The following ANKRD28 variants were observed in gnomAD, a reference collection of about 807,000 sequenced individuals.
The protein encoded by ANKRD28 is serine/threonine-protein phosphatase 6 regulatory ankyrin repeat subunit A.
Under a neutral mutation model 126.5 loss-of-function variants are expected in ANKRD28, and 44 were observed. The ratio of observed to expected loss-of-function variants is 0.35; its 90% confidence interval spans 0.27 to 0.45. The LOEUF is 0.45. ANKRD28 is among the 20% of genes least tolerant of loss of function. The pLI is 1.00. For synonymous variants in ANKRD28, 442 were observed against 468.5 expected, an observed-to-expected ratio of 0.94 and a Z score of 0.73; for missense variants, 1,110 against 1,316.6, an observed-to-expected ratio of 0.84 and a Z score of 2.43.
At chr3:15,792,904 T>C (rs1477261797) in intron 2 of ANKRD28, among the ~76,000 whole-genome samples, 1 of 152,122 alleles carries the variant, frequency 6.6e-6, no homozygotes, top group Non-Finnish European at 1.5e-5. Flanking sequence ...GGTGTGTTAC[T>C]AAGAAACGTG....
chr3:15,727,167 T>C (rs997961860), intron 6 of ANKRD28, among the ~76,000 whole-genome samples: 1 of 152,188 alleles, frequency 6.6e-6, no homozygotes, highest in Non-Finnish European at 1.5e-5. Flanking sequence ...ATTTCAACTT[T>C]CAAAGTCTTA....
rs188129707 is a variant in ANKRD28, at chr3:15,683,238, T to C, written c.2389+1988A>G. On this transcript the variant is annotated intron_variant, in intron 21 of 27. Transcript: ENST00000683139. ...GTAAGTCTTTGCTTCTGAACAGTTT[T>C]ATCTCACTGACTTTTTTACAGAAAC... Among the ~76,000 whole-genome samples the C allele has an allele frequency of 3.5e-3, 529 of 152,336 alleles. 2 individuals are homozygous for C. Among genetic ancestry groups the C allele is most frequent in the Non-Finnish European group, 4.8e-3 (327 of 68,016 alleles).
At chr3:15,698,023 G>C (rs762135747) in intron 14 of ANKRD28, among the ~76,000 whole-genome samples, 1 of 151,874 alleles carries the variant, frequency 6.6e-6, no homozygotes. Context: ...TTTGCGTAGA[G>C]GTGTTTATAG....
intron 6 of ANKRD28, among the ~76,000 whole-genome samples, chr3:15,728,543 C>T (rs938346581): frequency 3.3e-5 from 5 of 152,186 alleles, no homozygotes; most frequent in South Asian, 2.1e-4. Context: ...AGTCCTCACA[C>T]GTTGGGCTCC....
At chr3:15,700,188 G>A (rs2070342025) in intron 14 of ANKRD28, among the ~76,000 whole-genome samples, 1 of 152,098 alleles carries the variant, frequency 6.6e-6, no homozygotes, top group Non-Finnish European at 1.5e-5. Flanking sequence ...TGAACAAGGA[G>A]AACACATGGA....
intron 2 of ANKRD28, among the ~76,000 whole-genome samples, chr3:15,777,339 A>T (rs377760748): frequency 6.6e-6 from 1 of 152,040 alleles, no homozygotes; most frequent in South Asian, 2.1e-4. Flanking sequence ...CTTATCCTTT[A>T]TCTACCCATG....
intron 2 of ANKRD28, among the ~76,000 whole-genome samples, chr3:15,772,642 T>G (rs955368507): frequency 1.3e-5 from 2 of 152,210 alleles, no homozygotes; most frequent in Non-Finnish European, 2.9e-5. Flanking sequence ...ATCATCGCAT[T>G]TAACAAAATC....
chr3:15,749,510 T>C (rs191842520), intron 4 of ANKRD28, among the ~76,000 whole-genome samples: 84 of 152,356 alleles, frequency 5.5e-4, no homozygotes, highest in African/African-American at 1.9e-3. Context: ...ATTCATAGAC[T>C]TCATCTTGGT....
At chr3:15,777,891 CACACACACACA>C (rs1277147419) in intron 2 of ANKRD28, among the ~76,000 whole-genome samples, 98 of 151,556 alleles carry the variant, frequency 6.5e-4, no homozygotes, top group African/African-American at 2.2e-3. Flanking sequence ...CACACACACA[CACACACACACA>C]CCCTCTCCGC....
Position 15,712,088 on chromosome 3 carries a change from A to C in ANKRD28, c.1273+52T>G. On this transcript the variant is annotated intron_variant, in intron 11 of 27. Transcript: ENST00000683139. ...AAAAGCAGGATAGAGACCATCTAAA[A>C]ATTTTGAGGGGTTTGAGGAGACATA... The C allele has an allele frequency of 2.8e-6, 4 of 1,420,280 alleles. No individual in the cohort carries two copies. In the South Asian group the frequency reaches 3.7e-5, roughly 13 times the overall value. The allele number at this position is 1,420,280 out of a possible 1,614,324, so 88.0% of individuals were successfully genotyped here. A position where few individuals can be genotyped will look rare whatever the true frequency, so the allele number is the denominator to read the frequency against.
chr3:15,801,462 G>T (rs1278525487), upstream of ANKRD28, among the ~76,000 whole-genome samples: 1 of 152,302 alleles, frequency 6.6e-6, no homozygotes, highest in East Asian at 1.9e-4. This position sits in a 1 kb window ranked among gnomAD's most constrained non-coding sequence, Gnocchi z 4.9. Context: ...TCTGTGGCAA[G>T]TAACAAGCTG....
intron 2 of ANKRD28, among the ~76,000 whole-genome samples, chr3:15,774,649 A>G (rs372190043): frequency 1.3e-5 from 2 of 152,292 alleles, no homozygotes; most frequent in East Asian, 1.9e-4. Flanking sequence ...CTGAAACAAG[A>G]TATCAAAAGC....
At chr3:15,746,340 C>A (rs1040121427) in intron 4 of ANKRD28, among the ~76,000 whole-genome samples, 1 of 152,074 alleles carries the variant, frequency 6.6e-6, no homozygotes, top group East Asian at 1.9e-4. Context: ...ATGCTGGATG[C>A]GAGTTTGTCA....
At chr3:15,729,475 CT>C in intron 6 of ANKRD28, among the ~76,000 whole-genome samples, 1 of 152,322 alleles carries the variant, frequency 6.6e-6, no homozygotes, top group Admixed American at 6.5e-5. Context: ...ATTACTAACT[CT>C]TTAATTACTT....
At chr3:15,776,563 A>C (rs1190025798) in intron 2 of ANKRD28, among the ~76,000 whole-genome samples, 1 of 152,228 alleles carries the variant, frequency 6.6e-6, no homozygotes, top group Admixed American at 6.5e-5. Context: ...TGGCAAAATT[A>C]TAAAGAAAAC....
chr3:15,676,657 AG>A (rs2066969832), intron 26 of ANKRD28: 2 of 213,690 alleles, frequency 9.4e-6, no homozygotes, highest in Non-Finnish European at 1.9e-5. Flanking sequence ...GTTAGTTTCA[AG>A]TAACATATTA....
intron 1 of ANKRD28, among the ~76,000 whole-genome samples, chr3:15,842,172 T>C (rs2061436647): frequency 6.6e-6 from 1 of 151,776 alleles, no homozygotes; most frequent in Admixed American, 6.6e-5. Flanking sequence ...GGAAGCAACT[T>C]AAATGTCCAT....
At chr3:15,717,341 A>G (rs1360270710) in intron 8 of ANKRD28, among the ~76,000 whole-genome samples, 1 of 152,090 alleles carries the variant, frequency 6.6e-6, no homozygotes, top group African/African-American at 2.4e-5. Flanking sequence ...CTACATACTG[A>G]TAATAAAACC....
At chr3:15,673,828 G>A (rs1345252220) in intron 27 of ANKRD28, among the ~76,000 whole-genome samples, 2 of 152,068 alleles carry the variant, frequency 1.3e-5, no homozygotes, top group Non-Finnish European at 2.9e-5. Flanking sequence ...AGAGAAAGGA[G>A]AAGAGTAGGA....
Sources: allele counts gnomAD v4.1 joint callset (sites outside exome capture counted in the v4.1 genomes callset), GRCh38; gene constraint gnomAD v4.1.1; non-coding constraint Gnocchi (gnomAD v3.1); transcripts MANE v1.5; gene names NCBI Gene and HGNC (gene_info 2026-07-23, HGNC 2026-07-21).